PDXDC1: variants seen among roughly 807,000 people sequenced by gnomAD.
The protein encoded by PDXDC1 is pyridoxal dependent decarboxylase domain containing 1.
In PDXDC1, 42 loss-of-function variants were observed where a neutral mutation model predicts 100.1. That is an observed-to-expected ratio of 0.42 (90% CI 0.33 to 0.54). The LOEUF (loss-of-function observed/expected upper bound fraction) is 0.54. Ranked by LOEUF, PDXDC1 falls within the 20% of genes least tolerant of loss-of-function variation. PDXDC1 has a pLI of 0.10. For synonymous variants in PDXDC1, 260 were observed against 371.7 expected, an observed-to-expected ratio of 0.70 and a Z score of 3.46; for missense variants, 636 against 979.2, an observed-to-expected ratio of 0.65 and a Z score of 4.68.
the PDXDC1 span, among the ~76,000 whole-genome samples, chr16:15,152,014 G>T: frequency 1.3e-5 from 2 of 149,042 alleles, 1 homozygote; most frequent in Non-Finnish European, 3.0e-5. Context: ...TGGGGTGGGG[G>T]GTCTGTGAGT....
chr16:15,150,274 G>A, the PDXDC1 span, among the ~76,000 whole-genome samples: 5 of 152,068 alleles, frequency 3.3e-5, 1 homozygote, highest in South Asian at 8.3e-4. Context: ...CCAGGCGGCG[G>A]AGCTTGCAGT....
chr16:15,114,928 T>A (rs994142346), intron 16 of PDXDC1, among the ~76,000 whole-genome samples: 984 of 32,116 alleles, frequency 0.031, 5 homozygotes, highest in Middle Eastern at 0.089. Flanking sequence ...AAAAAAAAAA[T>A]TTTTTTTTTT....
At chr16:15,040,151 TAAGAGA>T, downstream of PDXDC1, 1 of 720,716 alleles carries the variant, frequency 1.4e-6, no homozygotes, top group Non-Finnish European at 2.4e-6. Context: ...CCACCACTCC[TAAGAGA>T]AAGATAGGAA....
chr16:15,131,212 C>A (rs1312284559), intron 16 of PDXDC1: 4 of 1,589,456 alleles, frequency 2.5e-6, no homozygotes, highest in African/African-American at 1.3e-5. Flanking sequence ...GCTGCGGTGG[C>A]CCCGGGCAGC....
Position 15,026,631 on chromosome 16 carries a change from C to G in PDXDC1, c.1141-12C>G, listed in dbSNP as rs563494989. 1 of 1,610,962 alleles carries G rather than the reference C, an allele frequency of 6.2e-7. No individual in the cohort carries two copies. Among genetic ancestry groups the G allele is most frequent in the African/African-American group, 1.3e-5 (1 of 74,938 alleles). ...AATGTTACTTGGTGATATGAGACTT[C>G]CATTCTTCCAGGTGGAAGATGAGCT... On this transcript the variant is annotated splice_polypyrimidine_tract_variant and intron_variant, in intron 13 of 22. Transcript: ENST00000396410.
At chr16:15,148,370 A>ATTTTTTTT in the PDXDC1 span, among the ~76,000 whole-genome samples, 121 of 34,124 alleles carry the variant, frequency 3.5e-3, 13 homozygotes, top group African/African-American at 4.0e-3. Flanking sequence ...AGATCCTGTG[A>ATTTTTTTT]TTTTTTTTTT....
chr16:14,997,299 A>T (rs1380190993), intron 1 of PDXDC1, among the ~76,000 whole-genome samples: 1 of 152,290 alleles, frequency 6.6e-6, no homozygotes, highest in Non-Finnish European at 1.5e-5. Flanking sequence ...CACTTTGGGA[A>T]GCCAAGGCGG....
intron 16 of PDXDC1, among the ~76,000 whole-genome samples, chr16:15,085,480 T>C (rs1056475074): frequency 6.6e-6 from 1 of 152,154 alleles, no homozygotes; most frequent in African/African-American, 2.4e-5. Context: ...AGAAAATATT[T>C]GAAAAAAAAT....
chr16:15,057,950 G>A, intron 16 of PDXDC1, among the ~76,000 whole-genome samples: 1 of 152,108 alleles, frequency 6.6e-6, no homozygotes, highest in South Asian at 2.1e-4. Flanking sequence ...TAACAAGCAG[G>A]AAACCACTCC....
chr16:14,984,495 A>ATATATATATATATATATATATT, intron 1 of PDXDC1, among the ~76,000 whole-genome samples: 1 of 73,484 alleles, frequency 1.4e-5, no homozygotes, highest in Non-Finnish European at 2.4e-5. Flanking sequence ...ATATATATAT[A>ATATATATATATATATATATATT]TTTTTTTTTT....
chr16:15,027,061 G>A (rs2042662330), intron 14 of PDXDC1, among the ~76,000 whole-genome samples: 1 of 152,292 alleles, frequency 6.6e-6, no homozygotes, highest in Non-Finnish European at 1.5e-5. Context: ...AGTGCCACCA[G>A]TCTAGTCCAG....
At chr16:15,121,937 T>C (rs1036044054) in intron 16 of PDXDC1, 1 of 258,194 alleles carries the variant, frequency 3.9e-6, no homozygotes, top group African/African-American at 2.4e-5. Context: ...GGTCAAGAGA[T>C]GGAGACTATC....
chr16:15,061,872 T>G lies in PDXDC1; in HGVS notation c.1399+31816T>G, dbSNP rs752895955. 3.7e-6 allele frequency: 6 copies of G among 1,613,278 alleles called. No individual in the cohort carries two copies. In the Admixed American group the frequency reaches 6.7e-5, roughly 18 times the overall value. On this transcript the variant is annotated intron_variant, in intron 16 of 16. Transcript: ENST00000535621. The stretch of plus-strand genomic sequence containing the variant: ...GTATCATTCTGGGGCACTTCGCCTT[T>G]CAGAAAGTCATCATCTTCATCTTCC...
chr16:15,001,376 C>A (rs1973112665), intron 3 of PDXDC1, among the ~76,000 whole-genome samples: 1 of 152,402 alleles, frequency 6.6e-6, no homozygotes, highest in African/African-American at 2.4e-5. Flanking sequence ...GTAATCTCAG[C>A]TACTCAGGAG....
At chr16:15,144,387 GA>G in the PDXDC1 span, among the ~76,000 whole-genome samples, 1 of 151,924 alleles carries the variant, frequency 6.6e-6, no homozygotes, top group East Asian at 1.9e-4. Context: ...GTGCTCATTT[GA>G]AAAAAAACAG....
At chr16:15,075,407 A>T (rs549916486) in intron 16 of PDXDC1, among the ~76,000 whole-genome samples, 1 of 152,174 alleles carries the variant, frequency 6.6e-6, no homozygotes, top group South Asian at 2.1e-4. Flanking sequence ...ACCTGTCTCT[A>T]CAAAAATAGA....
chr16:15,124,575 C>T (rs1260982997), intron 16 of PDXDC1, among the ~76,000 whole-genome samples: 1 of 149,240 alleles, frequency 6.7e-6, no homozygotes, highest in African/African-American at 2.4e-5. Context: ...GAGTTCCAGA[C>T]CAGCCTGGCC....
In PDXDC1 at chr16:15,036,160, GACACCCAGGGGCTCCCAGCCCTCAGC is replaced by G; in HGVS notation, c.2258_2283del (p.Pro753ArgfsTer16). On this transcript the variant is annotated frameshift_variant, in exon 23 of 23. Coordinates refer to ENST00000396410, the MANE Select transcript of PDXDC1 (RefSeq NM_015027.4). LOFTEE classifies it low-confidence loss of function (END_TRUNC). ...ACCCTCGAGGCCAGCAGCACTGAGG[GACACCCAGGGGCTCCCAGCCCTCAGC>G]ACACCGACCAGACCGAGGCCTTCCA... 1 of 1,614,168 alleles carries G rather than the reference GACACCCAGGGGCTCCCAGCCCTCAGC, an allele frequency of 6.2e-7. No individual in the cohort carries two copies. Among genetic ancestry groups the G allele is most frequent in the Non-Finnish European group, 8.5e-7 (1 of 1,180,044 alleles).
chr16:15,085,481 G>GA (rs896349103), intron 16 of PDXDC1, among the ~76,000 whole-genome samples: 15 of 151,692 alleles, frequency 9.9e-5, no homozygotes, highest in African/African-American at 3.1e-4. Flanking sequence ...GAAAATATTT[G>GA]AAAAAAAATG....
Sources: allele counts gnomAD v4.1 joint callset (sites outside exome capture counted in the v4.1 genomes callset), GRCh38; gene constraint gnomAD v4.1.1; transcripts MANE v1.5; gene names NCBI Gene and HGNC (gene_info 2026-07-23, HGNC 2026-07-21).